PRKG1: variants seen among roughly 807,000 people sequenced by gnomAD.
The protein encoded by PRKG1 is cGMP-dependent protein kinase 1.
PRKG1 carries 35 observed loss-of-function variants against 88.1 expected under a neutral mutation model. That is an observed-to-expected ratio of 0.40 (90% CI 0.30 to 0.53). The LOEUF is 0.53. PRKG1 is among the 20% of genes least tolerant of loss of function. The pLI, the probability that PRKG1 is intolerant of heterozygous loss-of-function variation, is 0.59. For synonymous variants in PRKG1, 303 were observed against 292.5 expected, an observed-to-expected ratio of 1.04 and a Z score of -0.37; for missense variants, 540 against 839.8, an observed-to-expected ratio of 0.64 and a Z score of 4.41.
chr10:51,669,387 A>G (rs578112924), intron 3 of PRKG1, among the ~76,000 whole-genome samples: 2 of 152,274 alleles, frequency 1.3e-5, no homozygotes, highest in East Asian at 1.9e-4. Context: ...TAATGACCTA[A>G]TTTAACCTTA....
intron 3 of PRKG1, chr10:51,695,984 T>A (rs1197655036): frequency 6.6e-6 from 1 of 152,184 alleles, no homozygotes; most frequent in African/African-American, 2.4e-5. Flanking sequence ...TATGTTCACA[T>A]CCTCAAGGCT....
intron 3 of PRKG1, among the ~76,000 whole-genome samples, chr10:51,473,962 A>G (rs567256370): frequency 1.3e-5 from 2 of 152,054 alleles, no homozygotes; most frequent in Admixed American, 1.3e-4. Flanking sequence ...TAAACTAGTA[A>G]CATAGGCCAA....
chr10:51,436,595 G>C (rs890612621), intron 2 of PRKG1, among the ~76,000 whole-genome samples: 1 of 151,982 alleles, frequency 6.6e-6, no homozygotes, highest in African/African-American at 2.4e-5. Context: ...TCTTAAAAGG[G>C]AACAGAGGGA....
chr10:52,168,093 T>G lies in PRKG1; in HGVS notation c.1076+6130T>G, dbSNP rs569141398. On this transcript the variant is annotated intron_variant, in intron 9 of 17. Transcript: ENST00000373980. ...TATGCTTTCATCTATTCAACAGTTATTTTCTATGTGCCTACAAAATGCTGC... is the reference window on the plus strand; with the variant it reads ...TATGCTTTCATCTATTCAACAGTTAGTTTCTATGTGCCTACAAAATGCTGC... Among the ~76,000 whole-genome samples the G allele has an allele frequency of 5.9e-5, 9 of 152,296 alleles. No individual in the cohort carries two copies. The South Asian group carries it at 1.9e-3, about 32-fold the overall frequency.
chr10:51,704,259 A>AGATG (rs1841549979), intron 3 of PRKG1, among the ~76,000 whole-genome samples: 1 of 152,048 alleles, frequency 6.6e-6, no homozygotes, highest in Non-Finnish European at 1.5e-5. Context: ...ACAGATAGAT[A>AGATG]GATAGATAGA....
At chr10:51,451,874 G>A (rs767580032) in intron 2 of PRKG1, among the ~76,000 whole-genome samples, 2 of 151,894 alleles carry the variant, frequency 1.3e-5, no homozygotes, top group Non-Finnish European at 2.9e-5. Flanking sequence ...TGAAACATGT[G>A]TTATAATTGT....
At chr10:51,377,690 T>C (rs1842844503) in intron 2 of PRKG1, among the ~76,000 whole-genome samples, 2 of 152,186 alleles carry the variant, frequency 1.3e-5, no homozygotes, top group Admixed American at 6.6e-5. Flanking sequence ...AAAAAATAAA[T>C]TGAAAGATAA....
At chr10:51,094,378 T>C (rs191127145) in intron 1 of PRKG1, among the ~76,000 whole-genome samples, 18 of 152,250 alleles carry the variant, frequency 1.2e-4, no homozygotes, top group Admixed American at 1.2e-3. Flanking sequence ...ATTTTCTGTG[T>C]TTTCATTCTG....
intron 3 of PRKG1, among the ~76,000 whole-genome samples, chr10:51,566,502 C>A (rs929831525): frequency 2.0e-5 from 3 of 152,020 alleles, no homozygotes; most frequent in Non-Finnish European, 4.4e-5. Context: ...TGTAATGGAA[C>A]TAGCTTTCTA....
At position 51,178,554 on chromosome 10, in the gene PRKG1, C is replaced by T. The variant is rs146480141; in HGVS notation, c.478+25224C>T. Among the ~76,000 whole-genome samples the T allele has an allele frequency of 5.3e-3, 808 of 152,178 alleles. 2 individuals carry two copies. The highest frequency in any genetic ancestry group is 0.011 in the Admixed American group (170 of 15,290). ...CTGGTGGCTGAGGTGGGAGGATTAC[C>T]TGAGCTCAGGAGGTCAAGGCTGCAG... is the stretch of plus-strand genomic sequence containing the variant. On this transcript the variant is annotated intron_variant, in intron 2 of 17. Transcript: ENST00000373980.
At chr10:51,551,012 A>G (rs1370154520) in intron 3 of PRKG1, among the ~76,000 whole-genome samples, 1 of 151,956 alleles carries the variant, frequency 6.6e-6, no homozygotes, top group Non-Finnish European at 1.5e-5. Flanking sequence ...AAATTCAGGC[A>G]TATAAAAATA....
chr10:51,202,652 G>T (rs1837942730), intron 2 of PRKG1, among the ~76,000 whole-genome samples: 1 of 152,182 alleles, frequency 6.6e-6, no homozygotes, highest in Non-Finnish European at 1.5e-5. Context: ...AAATACAAGG[G>T]TAGTTTATGG....
intron 2 of PRKG1, among the ~76,000 whole-genome samples, chr10:51,185,635 T>A (rs1837465962): frequency 6.6e-6 from 1 of 152,094 alleles, no homozygotes; most frequent in Non-Finnish European, 1.5e-5. Flanking sequence ...TATACTTTTT[T>A]AAAAGTGTAA....
chr10:51,293,206 T>G (rs1272737139), intron 2 of PRKG1, among the ~76,000 whole-genome samples: 1 of 151,950 alleles, frequency 6.6e-6, no homozygotes, highest in Non-Finnish European at 1.5e-5. Flanking sequence ...TTTTCTTTCT[T>G]TTTTGTATCA....
At chr10:51,153,742 T>C (rs1158587598) in intron 2 of PRKG1, among the ~76,000 whole-genome samples, 1 of 152,020 alleles carries the variant, frequency 6.6e-6, no homozygotes, top group African/African-American at 2.4e-5. Context: ...GTTTTCCTGC[T>C]ATGAAGCTTC....
At chr10:51,700,129 GTAT>G (rs547025331) in intron 3 of PRKG1, among the ~76,000 whole-genome samples, 2 of 152,350 alleles carry the variant, frequency 1.3e-5, no homozygotes, top group South Asian at 4.1e-4. Flanking sequence ...AACTAAAACA[GTAT>G]TATATCTCCT....
At chr10:52,070,179 A>C (rs1370467653) in intron 7 of PRKG1, among the ~76,000 whole-genome samples, 2 of 152,206 alleles carry the variant, frequency 1.3e-5, no homozygotes, top group Non-Finnish European at 2.9e-5. Flanking sequence ...TCGTTTACAA[A>C]TTCCTTTGCC....
chr10:51,592,819 A>G (rs1838346615), intron 3 of PRKG1, among the ~76,000 whole-genome samples: 1 of 152,172 alleles, frequency 6.6e-6, no homozygotes, highest in Admixed American at 6.5e-5. Context: ...TGTATGCTAC[A>G]TCTCATGAAG....
chr10:51,993,306 C>T (rs11000404), intron 5 of PRKG1, among the ~76,000 whole-genome samples: 11,348 of 151,894 alleles, frequency 0.075, 699 homozygotes, highest in East Asian at 0.3. Flanking sequence ...GTATATTGTG[C>T]CTTGATAAAA....
Sources: gnomAD v4.1 joint callset for allele counts (sites outside exome capture counted in the v4.1 genomes callset) on GRCh38, gnomAD v4.1.1 for gene constraint, MANE v1.5 for transcripts, NCBI Gene and HGNC (gene_info 2026-07-23, HGNC 2026-07-21) for gene names.